Variants in MICAL3 observed in about 807,000 individuals in gnomAD.
MICAL3 encodes the protein microtubule associated monooxygenase, calponin and LIM domain containing 3.
In MICAL3, 62 loss-of-function variants were observed where a neutral mutation model predicts 207.4. The ratio of observed to expected loss-of-function variants is 0.30; its 90% confidence interval spans 0.24 to 0.37. The LOEUF (loss-of-function observed/expected upper bound fraction) is 0.37, where lower values mean the gene tolerates loss of function less well. MICAL3 is among the 10% of genes least tolerant of loss of function. The pLI is 1.00. For missense variants in MICAL3, 2,368 were observed against 2,635.6 expected, an observed-to-expected ratio of 0.90 and a Z score of 2.22; for synonymous variants, 1,077 against 1,069.3, an observed-to-expected ratio of 1.01 and a Z score of -0.14.
chr22:17,978,659 C>G (rs1935765703), intron 1 of MICAL3, among the ~76,000 whole-genome samples: 1 of 151,726 alleles, frequency 6.6e-6, no homozygotes, highest in African/African-American at 2.4e-5. Flanking sequence ...GCTGGGATTA[C>G]AGGCAGCTAC....
chr22:17,861,082 T>C (rs1293920219), intron 19 of MICAL3: 1 of 985,320 alleles, frequency 1.0e-6, no homozygotes, highest in Non-Finnish European at 1.2e-6. Flanking sequence ...GATTGTAGAA[T>C]TCTCTTGCTC....
chr22:17,999,460 C>T (rs1454856494), intron 1 of MICAL3, among the ~76,000 whole-genome samples: 2 of 152,236 alleles, frequency 1.3e-5, no homozygotes, highest in African/African-American at 4.8e-5. Context: ...GCAACCAAAA[C>T]TGCATCCAAT....
intron 1 of MICAL3, among the ~76,000 whole-genome samples, chr22:17,951,099 C>T (rs1054595643): frequency 5.3e-5 from 8 of 152,186 alleles, no homozygotes; most frequent in Non-Finnish European, 8.8e-5. Flanking sequence ...CTGGCTGGGC[C>T]ACTTCCTCCA....
intron 1 of MICAL3, chr22:18,004,630 A>G (rs1239882039): frequency 6.6e-6 from 1 of 152,256 alleles, no homozygotes; most frequent in East Asian, 1.9e-4. Flanking sequence ...CACAGCTTAC[A>G]TTTATTAAGT....
intron 1 of MICAL3, among the ~76,000 whole-genome samples, chr22:17,975,338 G>A (rs533251335): frequency 4.6e-5 from 7 of 152,084 alleles, no homozygotes; most frequent in East Asian, 1.9e-4. Context: ...GGTGGCTCAC[G>A]GCTGACAGTG....
chr22:17,830,739 C>T (rs1922713489), intron 21 of MICAL3, among the ~76,000 whole-genome samples: 1 of 152,232 alleles, frequency 6.6e-6, no homozygotes, highest in Non-Finnish European at 1.5e-5. Context: ...TGCCCAGCCT[C>T]TGCCTCAGAG....
intron 1 of MICAL3, among the ~76,000 whole-genome samples, chr22:17,918,967 T>G (rs139027353): frequency 6.6e-6 from 1 of 152,180 alleles, no homozygotes; most frequent in South Asian, 2.1e-4. Flanking sequence ...AGCTTCTCAG[T>G]GTGGACTTCC....
intron 29 of MICAL3, among the ~76,000 whole-genome samples, chr22:17,802,558 C>T (rs1200810058): frequency 2.7e-5 from 4 of 148,668 alleles, no homozygotes. Flanking sequence ...GGGCGTGGGT[C>T]CGTGGGAGCG....
At chr22:17,792,092 G>A (rs1028417591) in intron 29 of MICAL3, among the ~76,000 whole-genome samples, 3 of 152,206 alleles carry the variant, frequency 2.0e-5, no homozygotes, top group African/African-American at 7.2e-5. Context: ...CCCCAGGGAC[G>A]GCCTGACCAC....
At chr22:17,982,206 C>T (rs1230014877) in intron 1 of MICAL3, among the ~76,000 whole-genome samples, 3 of 152,170 alleles carry the variant, frequency 2.0e-5, no homozygotes, top group Admixed American at 1.3e-4. Context: ...AAGGTGGTGA[C>T]GGCACTTGTG....
In MICAL3 at chr22:17,818,879, C is replaced by T; in HGVS notation, c.3782G>A (p.Cys1261Tyr). ...CTCGGTGGAAGGCTGGGGCTGGGAG[C>T]AGATGGGGAGTGGGCTGGGTGGGGG... ...STPPPSPLPI[C>Y]SQPQPSTEAT... is the part of the protein sequence containing the mutation. The change falls in exon 26 of 32, where the codon TGC (cysteine) becomes TAC (tyrosine). Residue 1261 changes from cysteine (C) to tyrosine (Y), a missense_variant. Physicochemically the swap from Cys to Tyr is radical, Grantham distance 194 (BLOSUM62 -2). Around this residue, in one of 4 missense-constraint regions of MICAL3, gnomAD observed 1,770 missense variants for 1,863.2 expected, o/e 0.95. Coordinates refer to ENST00000441493, the MANE Select transcript of MICAL3 (RefSeq NM_015241.3). The T allele has an allele frequency of 1.3e-6, 2 of 1,534,754 alleles. No individual in the cohort carries two copies. Among genetic ancestry groups the T allele is most frequent in the Non-Finnish European group, 8.8e-7 (1 of 1,138,084 alleles).
At chr22:17,853,284 C>T (rs140909625) in intron 19 of MICAL3, among the ~76,000 whole-genome samples, 5 of 152,252 alleles carry the variant, frequency 3.3e-5, no homozygotes, top group South Asian at 4.2e-4. Flanking sequence ...TGGCACGCAA[C>T]GAAGGTCCAC....
intron 16 of MICAL3, among the ~76,000 whole-genome samples, chr22:17,881,995 C>T (rs1841428315): frequency 7.3e-6 from 1 of 137,678 alleles, no homozygotes; most frequent in Admixed American, 7.2e-5. Flanking sequence ...CTCTCTGATA[C>T]CTTCCAAGGA....
At chr22:17,834,629 C>T in intron 20 of MICAL3, 2 of 1,049,040 alleles carry the variant, frequency 1.9e-6, no homozygotes, top group Non-Finnish European at 1.2e-6. Flanking sequence ...GTACGCACAT[C>T]ATGCTAAAGC....
intron 1 of MICAL3, among the ~76,000 whole-genome samples, chr22:17,994,951 G>A (rs1569160971): frequency 6.6e-6 from 1 of 151,986 alleles, no homozygotes; most frequent in Non-Finnish European, 1.5e-5. Context: ...ACCTGCAGAC[G>A]TGCCTAATGC....
At chr22:17,899,293 G>A (rs781060905) in intron 7 of MICAL3, 155 bp downstream of exon 7, 3 of 699,838 alleles carry the variant, frequency 4.3e-6, no homozygotes, top group Non-Finnish European at 7.9e-6. Flanking sequence ...GTTAAGAGTT[G>A]TTCACGCTAA....
rs1203660246 is a variant in MICAL3 at position 17,990,270 on chromosome 22, G to C, written c.-75+34011C>G. On this transcript the variant is annotated intron_variant, in intron 1 of 31. Transcript: ENST00000441493. ...AAAGAACTCCCCCTTGGAGGGCACT[G>C]TTCATTCTCACCCATCCAAACACCG... Among the ~76,000 whole-genome samples, 6 of 152,248 alleles carry C rather than the reference G, an allele frequency of 3.9e-5. No individual in the cohort carries two copies. In the South Asian group the frequency reaches 8.3e-4, roughly 21 times the overall value.
intron 1 of MICAL3, among the ~76,000 whole-genome samples, chr22:17,990,857 T>A (rs1921600485): frequency 6.6e-6 from 1 of 152,196 alleles, no homozygotes; most frequent in South Asian, 2.1e-4. Flanking sequence ...TTTTCCCATA[T>A]CCCAATATAA....
chr22:17,818,398 C>T lies in MICAL3; in HGVS notation c.4263G>A (p.Glu1421=). 2 of 1,610,878 alleles carry T rather than the reference C, an allele frequency of 1.2e-6. No individual in the cohort carries two copies. Among genetic ancestry groups the T allele is most frequent in the Non-Finnish European group, 1.7e-6 (2 of 1,179,680 alleles). Residue 1421 remains glutamate (E), a synonymous_variant, in exon 26 of 32, where the codon GAG becomes GAA. Transcript: ENST00000441493. ...ELRSAQEERR[E]LSSSSGLGLH... ...GGCCCAGGCCAGAGCTGCTGGACAG[C>T]TCCCTGCGCTCCTCCTGGGCGCTGC... is the stretch of plus-strand genomic sequence containing the variant.
Sources: allele counts gnomAD v4.1 joint callset (sites outside exome capture counted in the v4.1 genomes callset), GRCh38; gene constraint gnomAD v4.1.1; regional missense constraint gnomAD v4.1.1; transcripts MANE v1.5; gene names NCBI Gene and HGNC (gene_info 2026-07-23, HGNC 2026-07-21).